Variants in OTUD7B observed in about 807,000 individuals in gnomAD.
OTUD7B encodes the protein OTU deubiquitinase 7B, also known as OTU domain-containing protein 7B.
In OTUD7B, 34 loss-of-function variants were observed where a neutral mutation model predicts 82.2. The ratio of observed to expected loss-of-function variants is 0.41; its 90% CI spans 0.31 to 0.55. The LOEUF (loss-of-function observed/expected upper bound fraction) is 0.55. Among genes scored for constraint, OTUD7B ranks in the 20% least tolerant of loss-of-function variants. The pLI is 0.20. For synonymous variants in OTUD7B, 398 were observed against 402.7 expected (o/e 0.99, Z 0.14); for missense variants, 944 against 1,062.1 (o/e 0.89, Z 1.55).
chr1:150,054,518 A>C, the OTUD7B span: 1 of 475,734 alleles, frequency 2.1e-6, no homozygotes, highest in Non-Finnish European at 4.1e-6. Flanking sequence ...CTTCAAGAAG[A>C]AGCTGCAGGC....
At chr1:150,030,681 TTCC>T in the OTUD7B span, among the ~76,000 whole-genome samples, 1 of 152,170 alleles carries the variant, frequency 6.6e-6, no homozygotes, top group South Asian at 2.1e-4. Flanking sequence ...TCCTCTCTAC[TTCC>T]TCAACTCCCA....
chr1:149,965,872 A>G lies in OTUD7B; in HGVS notation c.509T>C (p.Leu170Ser). 1.2e-6 allele frequency: 2 copies of G among 1,613,522 alleles called. No individual in the cohort carries two copies. The highest frequency in any genetic ancestry group is 1.7e-6 in the Non-Finnish European group (2 of 1,179,422). Residue 170 changes from leucine to serine, a missense_variant, in exon 5 of 12, where the codon TTG becomes TCG. By Grantham distance (145) the Leu-to-Ser change is moderately radical. Coordinates refer to ENST00000581312, the MANE Select transcript of OTUD7B (RefSeq NM_020205.4). ...GGGATCCACACTCACCCACCAGTTC[A>G]AACGCCCTGTAGAAACAAGATAGTG... Reference protein sequence around the residue: ...MLVALEQAGRLNWWVSVDPTS... With the variant: ...MLVALEQAGRSNWWVSVDPTS...
the OTUD7B span, among the ~76,000 whole-genome samples, chr1:150,016,294 C>T: frequency 6.6e-6 from 1 of 152,118 alleles, no homozygotes; most frequent in Non-Finnish European, 1.5e-5. Flanking sequence ...AGAGGGAACC[C>T]AGCCTGGTCT....
intron 6 of OTUD7B, 29 bp downstream of exon 6, chr1:149,964,193 A>T: frequency 6.2e-7 from 1 of 1,606,550 alleles, no homozygotes; most frequent in Non-Finnish European, 8.5e-7. Flanking sequence ...ACTTTAGGAA[A>T]CAAGGCGCTC....
intron 4 of OTUD7B, among the ~76,000 whole-genome samples, chr1:149,966,182 G>A (rs1553776521): frequency 6.6e-6 from 1 of 152,208 alleles, no homozygotes; most frequent in Non-Finnish European, 1.5e-5. Context: ...AGAGGCCAGG[G>A]ATGCTGCTAA....
chr1:150,025,714 C>A, the OTUD7B span, among the ~76,000 whole-genome samples: 3 of 152,270 alleles, frequency 2.0e-5, no homozygotes, highest in East Asian at 3.9e-4. Flanking sequence ...TCTGATCAGA[C>A]CATATTGGGT....
rs1553776861 is a variant in OTUD7B at position 149,967,457 on chromosome 1, A to C, written c.339T>G (p.His113Gln). 3 of 1,613,928 alleles carry C rather than the reference A, an allele frequency of 1.9e-6. No homozygotes were observed. The African/African-American group carries it at 4.0e-5, about 22-fold the overall frequency. ...SSSIVSLARSHVSSNGGGGGS... is the reference protein window; with the variant it reads ...SSSIVSLARSQVSSNGGGGGS... ...CCCCACCCCCACCATTGGAGGAGAC[A>C]TGGGACCGGGCCAGGGAAACAATGC... is the stretch of plus-strand genomic sequence containing the variant. The change falls in exon 4 of 12, where the codon CAT becomes CAG. Residue 113 changes from histidine (H) to glutamine (Q), a missense_variant. Transcript: ENST00000581312.
chr1:149,967,077 G>C lies in OTUD7B; in HGVS notation c.502+217C>G, dbSNP rs587711898. Among the ~76,000 whole-genome samples, 12 of 152,242 alleles carry C rather than the reference G, an allele frequency of 7.9e-5. No individual in the cohort carries two copies. The East Asian group carries it at 1.7e-3, about 22-fold the overall frequency. ...TTGATTCCTAGGCCTTTTCACATGT[G>C]TATCTGGTTTCTCTTCCATCAACCA... On this transcript the variant is annotated intron_variant, in intron 4 of 11. Coordinates refer to ENST00000581312, the MANE Select transcript of OTUD7B (RefSeq NM_020205.4).
chr1:149,956,778 T>C (rs1648709320), intron 7 of OTUD7B, among the ~76,000 whole-genome samples: 1 of 152,242 alleles, frequency 6.6e-6, no homozygotes, highest in South Asian at 2.1e-4. Context: ...CTTCATTTCA[T>C]TCATTTGATC....
rs587710260 is a variant in OTUD7B, at chr1:149,947,229, T to C, written c.1323+22A>G. 8 of 1,340,628 alleles carry C rather than the reference T, an allele frequency of 6.0e-6. No individual in the cohort carries two copies. In the Middle Eastern group the frequency reaches 5.4e-4, roughly 90 times the overall value. The allele number at this position is 1,340,628 out of a possible 1,614,324, so 83.0% of individuals were successfully genotyped here. On this transcript the variant is annotated intron_variant, in intron 11 of 11. Coordinates refer to ENST00000581312, the MANE Select transcript of OTUD7B (RefSeq NM_020205.4). The stretch of plus-strand genomic sequence containing the variant: ...AAAATGAAATGAAGACACACCAGGG[T>C]AGATGTGGGAGAAGTCTTCACCTGT...
rs1236079485 is a variant in OTUD7B, at chr1:149,942,080, C to T, written c.*1777G>A. 2 of 152,486 alleles carry T rather than the reference C, an allele frequency of 1.3e-5. No homozygotes were observed. Among genetic ancestry groups the T allele is most frequent in the Admixed American group, 6.5e-5 (1 of 15,280 alleles). 9.4% of individuals were successfully genotyped at this position (152,486 alleles called of 1,614,324 possible). A position where few individuals can be genotyped will look rare whatever the true frequency, so the allele number is the denominator to read the frequency against. Reference sequence around the variant, plus strand: ...CAACAAGGACAATCTTGACTGGCTACCGAGGAGGAAAACACACACACATAT... The same window carrying T: ...CAACAAGGACAATCTTGACTGGCTATCGAGGAGGAAAACACACACACATAT... On this transcript the variant is annotated 3_prime_UTR_variant, in exon 12 of 12. Coordinates refer to ENST00000581312, the MANE Select transcript of OTUD7B (RefSeq NM_020205.4).
At chr1:150,027,564 G>A in the OTUD7B span, among the ~76,000 whole-genome samples, 1 of 152,116 alleles carries the variant, frequency 6.6e-6, no homozygotes, top group South Asian at 2.1e-4. Flanking sequence ...TCCAACCTAG[G>A]CAACAGAGTG....
chr1:149,998,847 C>T (rs1320493826), intron 1 of OTUD7B, among the ~76,000 whole-genome samples: 3 of 152,190 alleles, frequency 2.0e-5, no homozygotes, highest in Non-Finnish European at 2.9e-5. Context: ...TCATTTTCCT[C>T]ACCTAGAAAA....
At chr1:150,017,897 C>T in the OTUD7B span, among the ~76,000 whole-genome samples, 1 of 152,160 alleles carries the variant, frequency 6.6e-6, no homozygotes, top group Admixed American at 6.5e-5. Context: ...CATCAGGGAG[C>T]TTTGGGGTTC....
Position 149,977,443 on chromosome 1 carries a change from G to A in OTUD7B, c.68C>T (p.Ala23Val), listed in dbSNP as rs782468732. ...VRSTGAEPGL[A>V]RDLLEGKNWD... ...CTCCTCACCTTCTAGGAGATCTCGCGCTAGCCCTGGCTCTGCTCCTGTGGA... is the reference window on the plus strand; with the variant it reads ...CTCCTCACCTTCTAGGAGATCTCGCACTAGCCCTGGCTCTGCTCCTGTGGA... Residue 23 changes from alanine to valine, a missense_variant, in exon 2 of 12, where the codon GCG (alanine) becomes GTG (valine). Physicochemically the swap from Ala to Val is moderately conservative, Grantham distance 64. Coordinates refer to ENST00000581312, the MANE Select transcript of OTUD7B (RefSeq NM_020205.4). 1.4e-4 allele frequency: 231 copies of A among 1,612,976 alleles called. No homozygotes were observed. Among genetic ancestry groups the A allele is most frequent in the Non-Finnish European group, 1.9e-4 (228 of 1,179,162 alleles).
chr1:149,949,502 T>C (rs1400796068), intron 9 of OTUD7B, 127 bp downstream of exon 9: 5 of 1,021,496 alleles, frequency 4.9e-6, no homozygotes, highest in Non-Finnish European at 7.1e-6. Flanking sequence ...AACTTCTGGC[T>C]TAATAAAACA....
rs1282906788 is a variant in OTUD7B, at chr1:149,943,257, A to AC, written c.*599dup. On this transcript the variant is annotated 3_prime_UTR_variant, in exon 12 of 12. Transcript: ENST00000581312. ...GTTCCTCCCTTTCCCATCTAAACAA[A>AC]CGGATTTAAACTACCCCCACCTCCT... The AC allele has an allele frequency of 6.6e-6, 1 of 152,556 alleles. No individual in the cohort carries two copies. The highest frequency in any genetic ancestry group is 1.5e-5 in the Non-Finnish European group (1 of 68,208). The allele number at this position is 152,556 out of a possible 1,614,324, so 9.5% of individuals were successfully genotyped here.
upstream of OTUD7B, among the ~76,000 whole-genome samples, chr1:150,013,989 C>CAT (rs1469027906): frequency 7.7e-6 from 1 of 129,724 alleles, no homozygotes; most frequent in Non-Finnish European, 1.7e-5. Context: ...TATACACACA[C>CAT]ATATATACAC....
At chr1:150,037,185 A>C in the OTUD7B span, among the ~76,000 whole-genome samples, 1 of 152,172 alleles carries the variant, frequency 6.6e-6, no homozygotes, top group Non-Finnish European at 1.5e-5. Flanking sequence ...TTCCTAAGAA[A>C]GCATGCTGGC....
Sources: allele counts gnomAD v4.1 joint callset (sites outside exome capture counted in the v4.1 genomes callset), GRCh38; gene constraint gnomAD v4.1.1; transcripts MANE v1.5; gene names NCBI Gene and HGNC (gene_info 2026-07-23, HGNC 2026-07-21).